The following AGAP1 variants were observed in gnomAD, a reference collection of about 807,000 sequenced individuals.
AGAP1 encodes the protein arf-GAP with GTPase, ANK repeat and PH domain-containing protein 1.
A neutral mutation model predicts 105.3 loss-of-function variants in AGAP1; 29 were observed. The observed-to-expected ratio is 0.28, with a 90% CI of 0.21 to 0.38. The LOEUF (loss-of-function observed/expected upper bound fraction) is 0.38. AGAP1 is among the 10% of genes least tolerant of loss of function. AGAP1 has a pLI of 1.00. For synonymous variants in AGAP1, 509 were observed against 485.9 expected, an observed-to-expected ratio of 1.05 and a Z score of -0.63; for missense variants, 998 against 1,165.1, an observed-to-expected ratio of 0.86 and a Z score of 2.09.
chr2:235,644,930 T>C (rs1947324377), intron 1 of AGAP1, among the ~76,000 whole-genome samples: 1 of 151,926 alleles, frequency 6.6e-6, no homozygotes, highest in Admixed American at 6.6e-5. Flanking sequence ...AGTTTTACTC[T>C]TGTCACCCAG....
At chr2:235,681,802 G>C (rs540216308) in intron 1 of AGAP1, among the ~76,000 whole-genome samples, 4 of 148,294 alleles carry the variant, frequency 2.7e-5, no homozygotes, top group African/African-American at 1.0e-4. Flanking sequence ...TGTTTTTCAC[G>C]TGTGTATACC....
rs1475052626 is a variant in AGAP1, at chr2:236,000,793, C to A, written c.1645+32170C>A. Among the ~76,000 whole-genome samples the A allele has an allele frequency of 6.6e-6, 1 of 152,140 alleles. No homozygotes were observed. Among genetic ancestry groups the A allele is most frequent in the African/African-American group, 2.4e-5 (1 of 41,422 alleles). On this transcript the variant is annotated intron_variant, in intron 13 of 17. Transcript: ENST00000304032. This position sits in a 1 kb window ranked among gnomAD's most constrained non-coding sequence, Gnocchi z 4.3. ...GGCCACTAAGGGGGGCGGAGAAGAC[C>A]CCTGACAGCAAGAAGGAGCCCCACT...
rs1952470252 is a variant in AGAP1, at chr2:235,739,840, A to G, written c.311-1123A>G. Reference sequence around the variant, plus strand: ...TGTGGTTCAGACCCAGGATTCTAGGAGGGAAGGTTCCCGTCGCAGGGGAGG... The same window carrying G: ...TGTGGTTCAGACCCAGGATTCTAGGGGGGAAGGTTCCCGTCGCAGGGGAGG... On this transcript the variant is annotated intron_variant, in intron 3 of 17. Coordinates refer to ENST00000304032, the MANE Select transcript of AGAP1 (RefSeq NM_001037131.3). The surrounding 1 kb of genome is among the most constrained non-coding windows in gnomAD (Gnocchi z 5.3). Among the ~76,000 whole-genome samples, 2 of 152,102 alleles carry G rather than the reference A, an allele frequency of 1.3e-5. No individual in the cohort carries two copies. The highest frequency in any genetic ancestry group is 4.8e-5 in the African/African-American group (2 of 41,426).
At chr2:235,841,207 G>A (rs867443026) in intron 9 of AGAP1, among the ~76,000 whole-genome samples, 1 of 152,094 alleles carries the variant, frequency 6.6e-6, no homozygotes, top group Non-Finnish European at 1.5e-5. Context: ...GCTAAAGGGA[G>A]GAACAGGTCT....
At position 236,116,461 on chromosome 2, in the gene AGAP1, T is replaced by C. The variant is rs185297043; in HGVS notation, c.2115-3731T>C. On this transcript the variant is annotated intron_variant, in intron 16 of 17. Coordinates refer to ENST00000304032, the MANE Select transcript of AGAP1 (RefSeq NM_001037131.3). The stretch of plus-strand genomic sequence containing the variant: ...GCCTCCTGGATTCAAGCAATTCTCC[T>C]GCATCAGCCTCCTGAGTAGCTGGGA... 1.2e-3 allele frequency among the ~76,000 whole-genome samples: 178 copies of C among 151,790 alleles called. 1 individual carries two copies. The highest frequency in any genetic ancestry group is 3.8e-3 in the African/African-American group (159 of 41,450).
rs557284600 is a variant in AGAP1 at position 235,650,099 on chromosome 2, C to T, written c.164-59080C>T. ...TAAACCAGCTAGGGATGGTGGCTCA[C>T]GCCTGAAATCCCAGCAGTTTGGGAG... On this transcript the variant is annotated intron_variant, in intron 1 of 17. Coordinates refer to ENST00000304032, the MANE Select transcript of AGAP1 (RefSeq NM_001037131.3). Among the ~76,000 whole-genome samples, 16 of 152,326 alleles carry T rather than the reference C, an allele frequency of 1.1e-4. 1 individual carries two copies. The South Asian group carries it at 1.2e-3, about 12-fold the overall frequency.
In AGAP1 at chr2:235,736,804, G is replaced by T. The variant is rs762502662; in HGVS notation, c.311-4159G>T. On this transcript the variant is annotated intron_variant, in intron 3 of 17. Transcript: ENST00000304032. This position sits in a 1 kb window ranked among gnomAD's most constrained non-coding sequence, Gnocchi z 5.5. ...TGCAGTGAGTCATGTCCGTGCCACC[G>T]CACTCCAGCCTAGGCAACAGAGTGA... Among the ~76,000 whole-genome samples, 1 of 152,112 alleles carries T rather than the reference G, an allele frequency of 6.6e-6. No homozygotes were observed. Among genetic ancestry groups the T allele is most frequent in the African/African-American group, 2.4e-5 (1 of 41,410 alleles).
chr2:235,816,656 C>T (rs1482266200), intron 9 of AGAP1, among the ~76,000 whole-genome samples: 7 of 152,012 alleles, frequency 4.6e-5, no homozygotes, highest in South Asian at 2.1e-4. Flanking sequence ...TTTGGGAGAC[C>T]GAGGTGAGTG....
chr2:235,540,762 C>A (rs6755902), intron 1 of AGAP1, among the ~76,000 whole-genome samples: 1 of 151,742 alleles, frequency 6.6e-6, no homozygotes, highest in Non-Finnish European at 1.5e-5. Context: ...GGGACGTGCA[C>A]CCCCTTCACT....
At chr2:235,588,547 A>T (rs537603453) in intron 1 of AGAP1, among the ~76,000 whole-genome samples, 24 of 151,766 alleles carry the variant, frequency 1.6e-4, no homozygotes, top group Non-Finnish European at 2.2e-4. Flanking sequence ...AAATCTGGAT[A>T]AAAAAAAATT....
At chr2:236,026,972 G>T (rs2057075581) in intron 13 of AGAP1, among the ~76,000 whole-genome samples, 1 of 152,142 alleles carries the variant, frequency 6.6e-6, no homozygotes, top group South Asian at 2.1e-4. Flanking sequence ...TTTAAGAGAG[G>T]AAAATGATTA....
Position 235,744,184 on chromosome 2 carries a change from T to C in AGAP1, c.397-514T>C, listed in dbSNP as rs1438790510. On this transcript the variant is annotated intron_variant, in intron 4 of 17. Transcript: ENST00000304032. The surrounding 1 kb of genome is among the most constrained non-coding windows in gnomAD (Gnocchi z 5.2). Reference sequence around the variant, plus strand: ...GCCAAGGATGAGCCTGGGTTGAATCTTTACCCTTCAACAGAGTAGGCCAGC... The same window carrying C: ...GCCAAGGATGAGCCTGGGTTGAATCCTTACCCTTCAACAGAGTAGGCCAGC... 6.6e-6 allele frequency among the ~76,000 whole-genome samples: 1 copy of C among 152,190 alleles called. No individual in the cohort carries two copies.
At position 235,777,226 on chromosome 2, in the gene AGAP1, T is replaced by C. The variant is rs1367243792; in HGVS notation, c.674-20533T>C. On this transcript the variant is annotated intron_variant, in intron 6 of 17. Coordinates refer to ENST00000304032, the MANE Select transcript of AGAP1 (RefSeq NM_001037131.3). The surrounding 1 kb of genome is among the most constrained non-coding windows in gnomAD (Gnocchi z 5.1). ...ACAAAAAATTAGCCAGGCGTGCGCC[T>C]GTAATCCCAGCTACTCGGGAGTCTG... 6.6e-6 allele frequency among the ~76,000 whole-genome samples: 1 copy of C among 152,168 alleles called. No homozygotes were observed. Among genetic ancestry groups the C allele is most frequent in the Non-Finnish European group, 1.5e-5 (1 of 68,036 alleles).
At chr2:235,949,866 T>C (rs549822188) in intron 12 of AGAP1, among the ~76,000 whole-genome samples, 1 of 152,116 alleles carries the variant, frequency 6.6e-6, no homozygotes. Flanking sequence ...GAATGGAAAG[T>C]TCTGCCAGGA....
At chr2:235,862,330 C>A (rs1007764169) in intron 9 of AGAP1, among the ~76,000 whole-genome samples, 4 of 152,162 alleles carry the variant, frequency 2.6e-5, no homozygotes, top group African/African-American at 7.2e-5. Flanking sequence ...GCAGTGGTAG[C>A]GGTCCTTGTC....
At chr2:235,986,500 A>G (rs761274143) in intron 13 of AGAP1, among the ~76,000 whole-genome samples, 7 of 152,110 alleles carry the variant, frequency 4.6e-5, no homozygotes, top group Non-Finnish European at 7.4e-5. Context: ...CAGAAATTCC[A>G]TTACTATGTT....
At chr2:235,969,319 T>TACACACAC (rs201191090) in intron 13 of AGAP1, among the ~76,000 whole-genome samples, 1 of 150,388 alleles carries the variant, frequency 6.6e-6, no homozygotes, top group East Asian at 1.9e-4. Context: ...CACACACACA[T>TACACACAC]ACACACACAC....
chr2:236,041,822 G>T (rs1225207449), intron 15 of AGAP1, among the ~76,000 whole-genome samples: 1 of 152,204 alleles, frequency 6.6e-6, no homozygotes, highest in Non-Finnish European at 1.5e-5. Flanking sequence ...CTAAGCGCTG[G>T]GGAGAGCCAT....
intron 13 of AGAP1, among the ~76,000 whole-genome samples, chr2:236,025,126 C>T (rs1259840130): frequency 2.0e-5 from 3 of 152,204 alleles, no homozygotes; most frequent in Non-Finnish European, 2.9e-5. Flanking sequence ...GCTTCTACAA[C>T]CTGAAATCTG....
Sources: gnomAD v4.1 joint callset for allele counts (sites outside exome capture counted in the v4.1 genomes callset) on GRCh38, gnomAD v4.1.1 for gene constraint, Gnocchi (gnomAD v3.1) non-coding constraint, MANE v1.5 for transcripts, NCBI Gene and HGNC (gene_info 2026-07-23, HGNC 2026-07-21) for gene names.